SLC9A9: variants seen among roughly 807,000 people sequenced by gnomAD.
SLC9A9 encodes the protein solute carrier family 9 member A9, also known as sodium/hydrogen exchanger 9.
Under a neutral mutation model 77.8 loss-of-function variants are expected in SLC9A9, and 62 were observed. That is an observed-to-expected ratio of 0.80 (90% CI 0.65 to 0.98). The LOEUF (loss-of-function observed/expected upper bound fraction) is 0.98, where lower values mean the gene tolerates loss of function less well. SLC9A9 is among the 50% of genes least tolerant of loss of function. The pLI is 0.00. For missense variants in SLC9A9, 775 were observed against 774.9 expected, an observed-to-expected ratio of 1.00 and a Z score of 0.00; for synonymous variants, 320 against 283.5, an observed-to-expected ratio of 1.13 and a Z score of -1.29.
At chr3:143,798,153 A>G (rs1436247889) in intron 2 of SLC9A9, among the ~76,000 whole-genome samples, 1 of 151,996 alleles carries the variant, frequency 6.6e-6, no homozygotes, top group African/African-American at 2.4e-5. Flanking sequence ...TTCTCCTTTC[A>G]ATCTTGGCGC....
In SLC9A9 at chr3:143,507,243, T is replaced by C. The variant is rs941003144; in HGVS notation, c.1090-11795A>G. 3.3e-5 allele frequency among the ~76,000 whole-genome samples: 5 copies of C among 152,022 alleles called. No individual in the cohort carries two copies. In the South Asian group the frequency reaches 1.0e-3, roughly 32 times the overall value. On this transcript the variant is annotated intron_variant, in intron 9 of 15. Transcript: ENST00000316549. ...TATTTTTTGAGATGGAGTCTCACTCTGTCACCCAGGCTGGAGTGCAGTGGC... is the reference window on the plus strand; with the variant it reads ...TATTTTTTGAGATGGAGTCTCACTCCGTCACCCAGGCTGGAGTGCAGTGGC...
intron 11 of SLC9A9, among the ~76,000 whole-genome samples, chr3:143,487,184 T>C (rs1183061256): frequency 6.8e-6 from 1 of 147,944 alleles, no homozygotes; most frequent in African/African-American, 2.4e-5. Flanking sequence ...AAGACAAAGA[T>C]TAATAAAAGT....
chr3:143,731,403 C>T (rs1934800219), intron 4 of SLC9A9, among the ~76,000 whole-genome samples: 1 of 152,112 alleles, frequency 6.6e-6, no homozygotes, highest in African/African-American at 2.4e-5. Context: ...CTCTGTAGGG[C>T]CTGTAAAGGG....
chr3:143,746,382 G>C (rs1219439923), intron 4 of SLC9A9, among the ~76,000 whole-genome samples: 2 of 152,120 alleles, frequency 1.3e-5, no homozygotes, highest in African/African-American at 4.8e-5. Flanking sequence ...AGTTTATCCT[G>C]AACATTTCAA....
At chr3:143,296,744 T>C (rs2030285745) in intron 14 of SLC9A9, among the ~76,000 whole-genome samples, 1 of 152,222 alleles carries the variant, frequency 6.6e-6, no homozygotes, top group Non-Finnish European at 1.5e-5. Context: ...TGTGAGGTGA[T>C]ATCTTATTGT....
At chr3:143,644,344 C>T (rs1214408707) in intron 6 of SLC9A9, among the ~76,000 whole-genome samples, 1 of 152,230 alleles carries the variant, frequency 6.6e-6, no homozygotes, top group African/African-American at 2.4e-5. Context: ...TCACGCATGA[C>T]TTGACACGAG....
chr3:143,750,910 G>C (rs944284541), intron 4 of SLC9A9, among the ~76,000 whole-genome samples: 1 of 152,100 alleles, frequency 6.6e-6, no homozygotes, highest in Admixed American at 6.5e-5. Flanking sequence ...ACTGTATGGG[G>C]CAGTAGATTT....
intron 9 of SLC9A9, among the ~76,000 whole-genome samples, chr3:143,507,460 G>C (rs2036042032): frequency 6.6e-6 from 1 of 151,994 alleles, no homozygotes; most frequent in South Asian, 2.1e-4. Context: ...GCCTGCCTCG[G>C]CCTCCCAAAG....
chr3:143,722,046 GCAGT>G (rs143466521), intron 4 of SLC9A9, among the ~76,000 whole-genome samples: 2,155 of 152,304 alleles, frequency 0.014, 44 homozygotes, highest in African/African-American at 0.05. Context: ...ACAAAGGGTA[GCAGT>G]CAGTATCTGT....
Position 143,728,079 on chromosome 3 carries a change from G to T in SLC9A9, c.534-34772C>A, listed in dbSNP as rs964926570. Among the ~76,000 whole-genome samples, 109 of 152,160 alleles carry T rather than the reference G, an allele frequency of 7.2e-4. 1 individual carries two copies. Among genetic ancestry groups the T allele is most frequent in the Non-Finnish European group, 4.1e-4 (28 of 68,044 alleles). On this transcript the variant is annotated intron_variant, in intron 4 of 15. Transcript: ENST00000316549. Reference sequence around the variant, plus strand: ...GGGTGCTAGTTGTTAGTGGGTGGAGGTGTTATTAAACTATTAACAGATGAT... The same window carrying T: ...GGGTGCTAGTTGTTAGTGGGTGGAGTTGTTATTAAACTATTAACAGATGAT...
chr3:143,278,256 C>T (rs149397244), intron 14 of SLC9A9, among the ~76,000 whole-genome samples: 6 of 152,244 alleles, frequency 3.9e-5, no homozygotes, highest in Admixed American at 2.6e-4. Context: ...AGTGCTTACA[C>T]GGGGAGGAAG....
chr3:143,391,158 G>GATA (rs1389207311), intron 12 of SLC9A9, among the ~76,000 whole-genome samples: 1 of 152,236 alleles, frequency 6.6e-6, no homozygotes, highest in African/African-American at 2.4e-5. Context: ...GCCTCCTCAA[G>GATA]TGGGTCCCTG....
intron 6 of SLC9A9, among the ~76,000 whole-genome samples, chr3:143,635,478 C>A (rs2038503789): frequency 6.6e-6 from 1 of 152,182 alleles, no homozygotes; most frequent in Non-Finnish European, 1.5e-5. Flanking sequence ...TATTTCTTTG[C>A]TATTGGGAAT....
chr3:143,599,907 GA>G (rs1193881501), intron 6 of SLC9A9, among the ~76,000 whole-genome samples: 1 of 152,112 alleles, frequency 6.6e-6, no homozygotes, highest in African/African-American at 2.4e-5. Flanking sequence ...AAATTCTGGA[GA>G]ATGCACTTGT....
intron 4 of SLC9A9, among the ~76,000 whole-genome samples, chr3:143,705,214 A>G (rs1483828448): frequency 6.6e-6 from 1 of 152,074 alleles, no homozygotes; most frequent in African/African-American, 2.4e-5. Context: ...ATTTCACGTT[A>G]CCACTCACTT....
intron 2 of SLC9A9, 98 bp from the exon 3 acceptor site, chr3:143,797,001 T>C (rs1287182850): frequency 3.3e-6 from 3 of 911,158 alleles, no homozygotes; most frequent in African/African-American, 3.3e-5. Context: ...TTGCTAAGCC[T>C]TTGTGAGGCA....
At chr3:143,644,394 G>A (rs749736760) in intron 6 of SLC9A9, among the ~76,000 whole-genome samples, 5 of 152,206 alleles carry the variant, frequency 3.3e-5, no homozygotes, top group Middle Eastern at 3.2e-3. Context: ...TTCTGGAGAC[G>A]CTGCCAGTGA....
At chr3:143,428,115 T>C (rs2034438793) in intron 12 of SLC9A9, among the ~76,000 whole-genome samples, 1 of 151,914 alleles carries the variant, frequency 6.6e-6, no homozygotes, top group African/African-American at 2.4e-5. Context: ...TTCTGCACAA[T>C]GAAGGAAACA....
rs372813529 is a variant in SLC9A9 at position 143,480,028 on chromosome 3, C to A, written c.1316-12838G>T. Among the ~76,000 whole-genome samples, 76 of 152,298 alleles carry A rather than the reference C, an allele frequency of 5.0e-4. 1 individual carries two copies. The highest frequency in any genetic ancestry group is 1.5e-3 in the African/African-American group (64 of 41,554). On this transcript the variant is annotated intron_variant, in intron 11 of 15. Coordinates refer to ENST00000316549, the MANE Select transcript of SLC9A9 (RefSeq NM_173653.4). Reference sequence around the variant, plus strand: ...ATTCTAGTTTGGTTTTCAACACTGACCATTTAAGGTAAGTATTAATATCCC... The same window carrying A: ...ATTCTAGTTTGGTTTTCAACACTGAACATTTAAGGTAAGTATTAATATCCC...
Sources: allele counts gnomAD v4.1 joint callset (sites outside exome capture counted in the v4.1 genomes callset), GRCh38; gene constraint gnomAD v4.1.1; transcripts MANE v1.5; gene names NCBI Gene and HGNC (gene_info 2026-07-23, HGNC 2026-07-21).